The following TCP11L1 variants were observed in gnomAD, a reference collection of about 807,000 sequenced individuals.
TCP11L1 encodes t-complex 11 like 1.
In TCP11L1, 28 loss-of-function variants were observed where a neutral mutation model predicts 48.9. The observed-to-expected ratio is 0.57, with a 90% CI of 0.42 to 0.78. TCP11L1 has a LOEUF of 0.78. TCP11L1 is among the 30% of genes least tolerant of loss of function. TCP11L1 has a pLI of 0.00. For synonymous variants in TCP11L1, 204 were observed against 231.9 expected (o/e 0.88, Z 1.09); for missense variants, 505 against 613.4 (o/e 0.82, Z 1.87).
Position 33,072,514 on chromosome 11 carries a change from G to A in TCP11L1, c.1368G>A (p.Ser456=), listed in dbSNP as rs776965242. ...ILTFLETYLA[S]GHQKPLPTVP... Reference sequence around the variant, plus strand: ...CCTTCTTAGAAACCTACCTTGCCTCGGGTCATCAGAAGCCATTGCCCACAG... The same window carrying A: ...CCTTCTTAGAAACCTACCTTGCCTCAGGTCATCAGAAGCCATTGCCCACAG... The change falls in exon 10 of 10, where the codon TCG becomes TCA. Residue 456 remains serine (S), a synonymous_variant. Transcript: ENST00000334274. 14 of 1,613,962 alleles carry A rather than the reference G, an allele frequency of 8.7e-6. 1 individual carries two copies. The highest frequency in any genetic ancestry group is 4.4e-5 in the South Asian group (4 of 91,082).
chr11:33,064,757 G>C (rs1360516561), intron 7 of TCP11L1, among the ~76,000 whole-genome samples: 1 of 152,220 alleles, frequency 6.6e-6, no homozygotes, highest in African/African-American at 2.4e-5. Flanking sequence ...CTGCAAGGCA[G>C]TCCTCCCTTC....
intron 9 of TCP11L1, among the ~76,000 whole-genome samples, chr11:33,071,141 C>A (rs907493274): frequency 2.0e-5 from 3 of 151,792 alleles, no homozygotes; most frequent in Non-Finnish European, 4.4e-5. Flanking sequence ...ATGGTGAAAC[C>A]CCGCCTCTAC....
intron 8 of TCP11L1, among the ~76,000 whole-genome samples, chr11:33,067,936 A>AT (rs1341889708): frequency 8.7e-5 from 13 of 150,268 alleles, no homozygotes; most frequent in South Asian, 4.2e-4. Flanking sequence ...ATATTTTTTT[A>AT]TTTTTTTGTG....
intron 9 of TCP11L1, among the ~76,000 whole-genome samples, chr11:33,070,132 A>T (rs1854735688): frequency 6.6e-6 from 1 of 151,844 alleles, no homozygotes; most frequent in South Asian, 2.1e-4. Context: ...AAAAAAAAAA[A>T]TTAGCCAGGT....
chr11:33,056,368 C>T (rs1854309498), intron 3 of TCP11L1, among the ~76,000 whole-genome samples: 1 of 152,188 alleles, frequency 6.6e-6, no homozygotes, highest in Non-Finnish European at 1.5e-5. Context: ...GCCTTGGCCT[C>T]CCAAAATGCT....
intron 3 of TCP11L1, among the ~76,000 whole-genome samples, chr11:33,055,608 A>G (rs1348144309): frequency 6.6e-6 from 1 of 152,202 alleles, no homozygotes; most frequent in Non-Finnish European, 1.5e-5. Flanking sequence ...ATTTATTGTC[A>G]CAGGCAGAGT....
rs1854857812 is a variant in TCP11L1, at chr11:33,073,509, A to G, written c.*833A>G. 6.6e-6 allele frequency: 1 copy of G among 152,154 alleles called. No individual in the cohort carries two copies. The highest frequency in any genetic ancestry group is 2.1e-4 in the South Asian group (1 of 4,822). The allele number at this position is 152,154 out of a possible 1,614,324, so 9.4% of individuals were successfully genotyped here. ...AAATGTCTGGAATTCTTACTGAAAA[A>G]TTGACCCTGAGACAATACACAGATG... is the stretch of plus-strand genomic sequence containing the variant. On this transcript the variant is annotated 3_prime_UTR_variant, in exon 10 of 10. Coordinates refer to ENST00000334274, the MANE Select transcript of TCP11L1 (RefSeq NM_018393.4).
intron 2 of TCP11L1, among the ~76,000 whole-genome samples, chr11:33,052,053 A>G (rs1564978114): frequency 2.6e-5 from 4 of 152,168 alleles, no homozygotes; most frequent in Non-Finnish European, 5.9e-5. Flanking sequence ...TGACATCTTA[A>G]TAATATACCC....
At chr11:33,058,201 C>CTTTTT (rs747311201) in intron 5 of TCP11L1, 62 bp downstream of exon 5, 4 of 1,223,670 alleles carry the variant, frequency 3.3e-6, no homozygotes, top group Non-Finnish European at 4.4e-6. Context: ...TCTTTTTTTT[C>CTTTTT]TTTTCTTTTT....
chr11:33,058,837 C>A, intron 5 of TCP11L1, 122 bp from the exon 6 acceptor site: 1 of 1,056,714 alleles, frequency 9.5e-7, no homozygotes, highest in Non-Finnish European at 1.3e-6. Context: ...CTCAAGCAGT[C>A]CTCCCGCCTT....
chr11:33,063,685 T>C (rs539178101), intron 7 of TCP11L1, among the ~76,000 whole-genome samples: 1 of 152,258 alleles, frequency 6.6e-6, no homozygotes, highest in African/African-American at 2.4e-5. Context: ...TGTTTTGTTA[T>C]GTAGACTCCC....
At chr11:33,071,324 AAG>A (rs1472674243) in intron 9 of TCP11L1, among the ~76,000 whole-genome samples, 4 of 152,098 alleles carry the variant, frequency 2.6e-5, no homozygotes, top group Admixed American at 2.6e-4. Context: ...GAGAAAAAAA[AAG>A]AGTAAGGGTG....
chr11:33,072,585 C>A lies in TCP11L1; in HGVS notation c.1439C>A (p.Ala480Asp). The A allele has an allele frequency of 6.2e-7, 1 of 1,614,162 alleles. No individual in the cohort carries two copies. The highest frequency in any genetic ancestry group is 8.5e-7 in the Non-Finnish European group (1 of 1,180,018). The part of the protein sequence containing the change: ...SPVQRELEEV[A>D]IKFARLVNYN... ...GTTCAGAGAGAGCTGGAGGAAGTTG[C>A]TATTAAATTTGCTCGCCTGGTCAAC... The change falls in exon 10 of 10, where the codon GCT becomes GAT. Residue 480 changes from alanine (A) to aspartate (D), a missense_variant. Coordinates refer to ENST00000334274, the MANE Select transcript of TCP11L1 (RefSeq NM_018393.4).
intron 6 of TCP11L1, among the ~76,000 whole-genome samples, chr11:33,060,420 A>T (rs1195097154): frequency 2.0e-5 from 3 of 152,258 alleles, no homozygotes; most frequent in Middle Eastern, 3.4e-3. Flanking sequence ...CATGACCGAG[A>T]GCTCAGGGTA....
At chr11:33,064,437 C>G (rs1854553279) in intron 7 of TCP11L1, among the ~76,000 whole-genome samples, 1 of 152,204 alleles carries the variant, frequency 6.6e-6, no homozygotes, top group African/African-American at 2.4e-5. Context: ...CAAGAAAGGT[C>G]CTTAGAGTCC....
At chr11:33,066,400 G>A (rs1190507273) in intron 8 of TCP11L1, among the ~76,000 whole-genome samples, 1 of 152,150 alleles carries the variant, frequency 6.6e-6, no homozygotes, top group African/African-American at 2.4e-5. Context: ...TTAAATTTTG[G>A]CATGGGGCAC....
chr11:33,062,712 C>T (rs1427934957), intron 7 of TCP11L1, among the ~76,000 whole-genome samples: 1 of 152,214 alleles, frequency 6.6e-6, no homozygotes, highest in Non-Finnish European at 1.5e-5. Flanking sequence ...CACCATTCTA[C>T]TTTGAGTCTC....
At chr11:33,058,547 TA>T (rs76529612) in intron 5 of TCP11L1, among the ~76,000 whole-genome samples, 4,601 of 143,450 alleles carry the variant, frequency 0.032, 81 homozygotes, top group Non-Finnish European at 0.046. Flanking sequence ...CTCATGGATT[TA>T]AAAAAAAAAA....
At chr11:33,055,150 C>T (rs1401200016) in intron 3 of TCP11L1, among the ~76,000 whole-genome samples, 2 of 152,172 alleles carry the variant, frequency 1.3e-5, no homozygotes, top group African/African-American at 2.4e-5. Context: ...AAAGAGGAAA[C>T]ACTGCCCATT....
Sources: gnomAD v4.1 joint callset for allele counts (sites outside exome capture counted in the v4.1 genomes callset) on GRCh38, gnomAD v4.1.1 for gene constraint, MANE v1.5 for transcripts, NCBI Gene and HGNC (gene_info 2026-07-23, HGNC 2026-07-21) for gene names.